SLC39A12: variants seen among roughly 807,000 people sequenced by gnomAD.
SLC39A12 encodes the protein zinc transporter ZIP12.
Under a neutral mutation model 71.1 loss-of-function variants are expected in SLC39A12, and 63 were observed. That is an observed-to-expected ratio of 0.89 (90% CI 0.72 to 1.09). The LOEUF (loss-of-function observed/expected upper bound fraction) is 1.09. Ranked by LOEUF, SLC39A12 falls within the 50% of genes least tolerant of loss-of-function variation. The pLI is 0.00. For missense variants in SLC39A12, 892 were observed against 812.6 expected, an observed-to-expected ratio of 1.10 and a Z score of -1.19; for synonymous variants, 351 against 301.3, an observed-to-expected ratio of 1.16 and a Z score of -1.71.
chr10:17,973,643 C>T (rs2130797743), intron 4 of SLC39A12, among the ~76,000 whole-genome samples: 1 of 152,140 alleles, frequency 6.6e-6, no homozygotes, highest in South Asian at 2.1e-4. Context: ...TCCTTTTCTC[C>T]TCCTGCTTTT....
At chr10:18,018,290 T>C (rs1393318551) in intron 12 of SLC39A12, among the ~76,000 whole-genome samples, 1 of 152,204 alleles carries the variant, frequency 6.6e-6, no homozygotes, top group Admixed American at 6.5e-5. Flanking sequence ...TATTGAATCT[T>C]TTAGATTTTC....
intron 12 of SLC39A12, among the ~76,000 whole-genome samples, chr10:18,006,576 G>A (rs1214920537): frequency 6.6e-6 from 1 of 152,202 alleles, no homozygotes; most frequent in Non-Finnish European, 1.5e-5. Context: ...AACAGAGAAG[G>A]AAGAAAGGTC....
chr10:17,961,686 AT>A lies in SLC39A12; in HGVS notation c.369del (p.His124IlefsTer12), dbSNP rs782315562. 1 of 1,614,058 alleles carries A rather than the reference AT, an allele frequency of 6.2e-7. No homozygotes were observed. ...RVSLLLLYYIIHQEEICSSKL... is the reference protein window; with the variant it reads ...RVSLLLLYYIXHQEEICSSKL... ...TTCTCTTCTCCTTCTCTATTACATT[AT>A]TCATCAGGAAGAGATCTGTTCTTCA... On this transcript the variant is annotated frameshift_variant, in exon 3 of 13. Transcript: ENST00000377369. LOFTEE classifies it high-confidence loss of function.
At chr10:18,033,398 A>C (rs1836906882) in intron 12 of SLC39A12, among the ~76,000 whole-genome samples, 1 of 148,098 alleles carries the variant, frequency 6.8e-6, no homozygotes, top group Non-Finnish European at 1.5e-5. Context: ...TGTGTCGAGG[A>C]ATTTATCCAT....
chr10:17,981,108 G>T (rs1433893260), intron 5 of SLC39A12, among the ~76,000 whole-genome samples: 5 of 152,262 alleles, frequency 3.3e-5, no homozygotes, highest in African/African-American at 1.2e-4. Flanking sequence ...TGAAAATGAG[G>T]TATTGCAGGC....
At chr10:17,981,680 G>A (rs1835264068) in intron 6 of SLC39A12, among the ~76,000 whole-genome samples, 197 bp downstream of exon 6, 1 of 152,190 alleles carries the variant, frequency 6.6e-6, no homozygotes. Flanking sequence ...GGCACAGAGA[G>A]ATTAAGTGAC....
At chr10:18,022,380 C>T (rs1203437534) in intron 12 of SLC39A12, among the ~76,000 whole-genome samples, 3 of 151,790 alleles carry the variant, frequency 2.0e-5, no homozygotes, top group African/African-American at 7.3e-5. Context: ...AAGAACCACT[C>T]TTCAAGCTCT....
chr10:18,042,628 C>T, intron 12 of SLC39A12, 77 bp from the exon 13 acceptor site: 2 of 1,445,542 alleles, frequency 1.4e-6, no homozygotes, highest in Non-Finnish European at 9.3e-7. Context: ...ATAACAGTCG[C>T]TCATGTTTTC....
intron 7 of SLC39A12, among the ~76,000 whole-genome samples, chr10:17,990,709 A>C (rs534555926): frequency 6.6e-6 from 1 of 152,284 alleles, no homozygotes; most frequent in East Asian, 1.9e-4. Context: ...ATAAAAGTTT[A>C]CTTTGATTGC....
chr10:18,034,285 T>G (rs1262779283), intron 12 of SLC39A12, among the ~76,000 whole-genome samples: 5 of 149,756 alleles, frequency 3.3e-5, no homozygotes, highest in African/African-American at 1.2e-4. Flanking sequence ...TGTGGGAGTC[T>G]AAGTCTCTTT....
At chr10:18,041,687 GTATATATGTGTATATATATGTA>G (rs1837242402) in intron 12 of SLC39A12, among the ~76,000 whole-genome samples, 1 of 100,926 alleles carries the variant, frequency 9.9e-6, no homozygotes, top group Non-Finnish European at 2.0e-5. Context: ...ATATACATAT[GTATATATGTGTATATATATGTA>G]TATACATATG....
At chr10:18,037,075 C>T (rs995154407) in intron 12 of SLC39A12, among the ~76,000 whole-genome samples, 4 of 151,874 alleles carry the variant, frequency 2.6e-5, no homozygotes, top group African/African-American at 9.7e-5. Context: ...GTGTGAGCCA[C>T]CATGCCCAGC....
At chr10:17,972,380 G>C (rs545002330) in intron 4 of SLC39A12, among the ~76,000 whole-genome samples, 4 of 152,238 alleles carry the variant, frequency 2.6e-5, no homozygotes, top group African/African-American at 9.6e-5. Context: ...GAAGTTTAAT[G>C]TTACTTTGTT....
intron 12 of SLC39A12, among the ~76,000 whole-genome samples, chr10:18,017,371 C>T (rs554191505): frequency 2.6e-5 from 4 of 152,122 alleles, no homozygotes; most frequent in Non-Finnish European, 4.4e-5. Flanking sequence ...TGCAGTGGCA[C>T]GATCTTGGCT....
chr10:18,030,796 C>G (rs955688053), intron 12 of SLC39A12, among the ~76,000 whole-genome samples: 1 of 114,000 alleles, frequency 8.8e-6, no homozygotes, highest in African/African-American at 3.3e-5. Flanking sequence ...CCCCCTCCCC[C>G]CTCCCCCCAC....
rs1237783734 is a variant in SLC39A12 at position 17,991,147 on chromosome 10, G to C, written c.1270-4G>C. 5 of 1,333,620 alleles carry C rather than the reference G, an allele frequency of 3.7e-6. No individual in the cohort carries two copies. Among genetic ancestry groups the C allele is most frequent in the Non-Finnish European group, 4.9e-6 (5 of 1,010,664 alleles). The allele number at this position is 1,333,620 out of a possible 1,614,324, so 82.6% of individuals were successfully genotyped here. A position where few individuals can be genotyped will look rare whatever the true frequency, so the allele number is the denominator to read the frequency against. Reference sequence around the variant, plus strand: ...TGCCTTTTTTTTTTTTTTTTCCCCTGAAGGTTCTTGGTTTACATAAGCAGG... The same window carrying C: ...TGCCTTTTTTTTTTTTTTTTCCCCTCAAGGTTCTTGGTTTACATAAGCAGG... On this transcript the variant is annotated splice_polypyrimidine_tract_variant and splice_region_variant and intron_variant, in intron 7 of 12. Transcript: ENST00000377369.
chr10:17,957,086 C>A (rs1297509461), intron 2 of SLC39A12, among the ~76,000 whole-genome samples: 1 of 152,146 alleles, frequency 6.6e-6, no homozygotes, highest in Non-Finnish European at 1.5e-5. Context: ...TCTCAAGTTT[C>A]TATAATATAA....
chr10:18,010,795 C>A (rs1836194539), intron 12 of SLC39A12, among the ~76,000 whole-genome samples: 1 of 152,058 alleles, frequency 6.6e-6, no homozygotes, highest in Non-Finnish European at 1.5e-5. Context: ...GGCCCTAGAA[C>A]AACATGGGTT....
At chr10:17,988,302 T>G (rs1263690600) in intron 7 of SLC39A12, among the ~76,000 whole-genome samples, 1 of 152,152 alleles carries the variant, frequency 6.6e-6, no homozygotes, top group African/African-American at 2.4e-5. Flanking sequence ...AGCGAGACTC[T>G]GTCTCAGAAA....
Sources: allele counts gnomAD v4.1 joint callset (sites outside exome capture counted in the v4.1 genomes callset), GRCh38; gene constraint gnomAD v4.1.1; transcripts MANE v1.5; gene names NCBI Gene and HGNC (gene_info 2026-07-23, HGNC 2026-07-21).